SNTB1: variants seen among roughly 807,000 people sequenced by gnomAD.
SNTB1 encodes syntrophin beta 1.
SNTB1 carries 36 observed loss-of-function variants against 48.9 expected under a neutral mutation model. That is an observed-to-expected ratio of 0.74 (90% confidence interval 0.56 to 0.97). The LOEUF is 0.97. Ranked by LOEUF, SNTB1 falls within the 50% of genes least tolerant of loss-of-function variation. The pLI is 0.00. For synonymous variants in SNTB1, 299 were observed against 294.6 expected (o/e 1.01, Z -0.15); for missense variants, 786 against 703.4 (o/e 1.12, Z -1.33).
chr8:120,632,355 A>G (rs942431210), intron 3 of SNTB1, 89 bp downstream of exon 3: 10 of 1,180,040 alleles, frequency 8.5e-6, no homozygotes, highest in Non-Finnish European at 1.2e-5. Context: ...TGAGAGAATC[A>G]GCCTATGGGA....
rs146576612 is a variant in SNTB1 at position 120,754,124 on chromosome 8, T to C, written c.571+57149A>G. On this transcript the variant is annotated intron_variant, in intron 1 of 6. Transcript: ENST00000517992. ...CTTTCTATTTGAAACTATAAATACA[T>C]GGCCAGAGGCTGCATCACAGAGAAT... 8.5e-3 allele frequency among the ~76,000 whole-genome samples: 1,293 copies of C among 152,280 alleles called. 19 individuals are homozygous for C. The highest frequency in any genetic ancestry group is 0.029 in the African/African-American group (1,224 of 41,568).
At chr8:120,744,069 G>A (rs1250492724) in intron 1 of SNTB1, among the ~76,000 whole-genome samples, 1 of 151,368 alleles carries the variant, frequency 6.6e-6, no homozygotes, top group Non-Finnish European at 1.5e-5. Context: ...GTTTGAGGCT[G>A]CAGTGAGCTA....
At chr8:120,706,008 C>A (rs1378102615) in intron 1 of SNTB1, among the ~76,000 whole-genome samples, 1 of 152,116 alleles carries the variant, frequency 6.6e-6, no homozygotes, top group African/African-American at 2.4e-5. Context: ...AACCTCTGTG[C>A]CTCAGTTTCC....
At chr8:120,732,468 G>C (rs1818868714) in intron 1 of SNTB1, among the ~76,000 whole-genome samples, 1 of 152,102 alleles carries the variant, frequency 6.6e-6, no homozygotes, top group Non-Finnish European at 1.5e-5. Context: ...TGTTCTTCAG[G>C]TAATTATATC....
chr8:120,549,117 A>G (rs1815436531), intron 4 of SNTB1, among the ~76,000 whole-genome samples, 159 bp from the exon 5 acceptor site: 1 of 152,208 alleles, frequency 6.6e-6, no homozygotes, highest in Non-Finnish European at 1.5e-5. Flanking sequence ...CTCCTCTCCA[A>G]TGAGGTTAAG....
intron 2 of SNTB1, among the ~76,000 whole-genome samples, chr8:120,670,814 C>T (rs1010466929): frequency 3.9e-5 from 6 of 152,242 alleles, no homozygotes; most frequent in East Asian, 3.9e-4. Context: ...CTTCATCATT[C>T]GGAGTAGATG....
At chr8:120,765,964 C>T (rs1819515574) in intron 1 of SNTB1, 1 of 152,062 alleles carries the variant, frequency 6.6e-6, no homozygotes, top group Non-Finnish European at 1.5e-5. Context: ...AAAACAAACC[C>T]CTAATTTGTA....
At chr8:120,748,177 A>C (rs931791488) in intron 1 of SNTB1, among the ~76,000 whole-genome samples, 1 of 152,164 alleles carries the variant, frequency 6.6e-6, no homozygotes, top group Admixed American at 6.5e-5. Flanking sequence ...ACTCTACTCA[A>C]ATAAGCTCTG....
chr8:120,708,116 T>C (rs117512459), intron 1 of SNTB1, among the ~76,000 whole-genome samples: 6,848 of 151,694 alleles, frequency 0.045, 187 homozygotes, highest in Non-Finnish European at 0.068. Flanking sequence ...ATTAAAATAA[T>C]AAATAATCTC....
intron 1 of SNTB1, among the ~76,000 whole-genome samples, chr8:120,762,053 G>A (rs973195932): frequency 3.3e-5 from 5 of 152,118 alleles, no homozygotes; most frequent in Admixed American, 3.3e-4. Context: ...TAACTTCTCA[G>A]TTTTCCATTT....
At chr8:120,654,543 A>G (rs1403142381) in intron 2 of SNTB1, among the ~76,000 whole-genome samples, 1 of 152,122 alleles carries the variant, frequency 6.6e-6, no homozygotes, top group Admixed American at 6.5e-5. Flanking sequence ...AATACTGCCT[A>G]TGGAACTATT....
At chr8:120,588,531 ATTT>A (rs35337577) in intron 3 of SNTB1, among the ~76,000 whole-genome samples, 4,202 of 150,902 alleles carry the variant, frequency 0.028, 194 homozygotes, top group African/African-American at 0.097. Flanking sequence ...GGGAATAGCC[ATTT>A]TTTTTTTTTC....
intron 2 of SNTB1, among the ~76,000 whole-genome samples, chr8:120,638,754 A>G (rs1587052890): frequency 6.6e-6 from 1 of 152,176 alleles, no homozygotes; most frequent in African/African-American, 2.4e-5. Context: ...TTATGGCTGC[A>G]TAGTATTCCA....
At chr8:120,583,556 C>CAAAAAA (rs1459693939) in intron 3 of SNTB1, among the ~76,000 whole-genome samples, 2 of 115,794 alleles carry the variant, frequency 1.7e-5, no homozygotes, top group African/African-American at 6.0e-5. Context: ...CACACACACA[C>CAAAAAA]ACACAAAACT....
At chr8:120,759,509 C>T (rs762119347) in intron 1 of SNTB1, among the ~76,000 whole-genome samples, 5 of 152,084 alleles carry the variant, frequency 3.3e-5, no homozygotes, top group Admixed American at 6.5e-5. Context: ...ACAAAGTATG[C>T]GTGTTTGAAA....
intron 2 of SNTB1, among the ~76,000 whole-genome samples, chr8:120,661,160 G>T (rs1336948307): frequency 6.6e-6 from 1 of 151,848 alleles, no homozygotes; most frequent in Non-Finnish European, 1.5e-5. Flanking sequence ...CTGGAGACTT[G>T]CTCAAGGCAG....
intron 5 of SNTB1, among the ~76,000 whole-genome samples, chr8:120,544,343 C>T (rs767264855): frequency 6.6e-6 from 1 of 152,094 alleles, no homozygotes; most frequent in South Asian, 2.1e-4. Context: ...AGGATGGAAT[C>T]GGTTATCTGA....
intron 1 of SNTB1, among the ~76,000 whole-genome samples, chr8:120,798,448 GT>G (rs1193779741): frequency 6.6e-6 from 1 of 152,042 alleles, no homozygotes; most frequent in Non-Finnish European, 1.5e-5. Flanking sequence ...CACCAAGTGA[GT>G]AGAGGCTAGA....
At chr8:120,785,429 C>A (rs1051780917) in intron 1 of SNTB1, among the ~76,000 whole-genome samples, 2 of 152,186 alleles carry the variant, frequency 1.3e-5, no homozygotes, top group South Asian at 4.1e-4. Context: ...TTGCCAAATG[C>A]GTGGGAGCTG....
Sources: allele counts gnomAD v4.1 joint callset (sites outside exome capture counted in the v4.1 genomes callset), GRCh38; gene constraint gnomAD v4.1.1; transcripts MANE v1.5; gene names NCBI Gene and HGNC (gene_info 2026-07-23, HGNC 2026-07-21).